Variants in GGA2 observed in about 807,000 individuals in gnomAD.
GGA2 encodes ADP-ribosylation factor-binding protein GGA2.
GGA2 carries 48 observed loss-of-function variants against 79.5 expected under a neutral mutation model. The ratio of observed to expected loss-of-function variants is 0.60; its 90% CI spans 0.48 to 0.77. GGA2 has a LOEUF of 0.77. GGA2 is among the 30% of genes least tolerant of loss of function. The pLI, the probability that GGA2 is intolerant of heterozygous loss-of-function variation, is 0.00. For missense variants in GGA2, 770 were observed against 774.0 expected (o/e 0.99, Z 0.06); for synonymous variants, 317 against 302.0 (o/e 1.05, Z -0.51).
rs192736311 is a variant in GGA2 at position 23,489,519 on chromosome 16, C to T, written c.476-810G>A. 2.2e-3 allele frequency among the ~76,000 whole-genome samples: 335 copies of T among 152,266 alleles called. 2 individuals are homozygous for T. The highest frequency in any genetic ancestry group is 7.1e-3 in the African/African-American group (293 of 41,554). ...ACTCCCAAAGTGCTGGGATCACAGG[C>T]GTGAGCCACCATGCCCAGCCTACAG... On this transcript the variant is annotated intron_variant, in intron 5 of 16. Transcript: ENST00000309859.
intron 4 of GGA2, among the ~76,000 whole-genome samples, chr16:23,492,130 C>G (rs1964796511): frequency 6.6e-6 from 1 of 152,208 alleles, no homozygotes; most frequent in Admixed American, 6.5e-5. Context: ...TGGCACAGAA[C>G]TTCAAAAATC....
Position 23,480,755 on chromosome 16 carries a change from G to A in GGA2, c.896C>T (p.Ala299Val), listed in dbSNP as rs763927624. 3.7e-6 allele frequency: 6 copies of A among 1,609,582 alleles called. No homozygotes were observed. The South Asian group carries it at 6.6e-5, about 18-fold the overall frequency. Residue 299 changes from alanine (A) to valine (V), a missense_variant, in exon 10 of 17, where the codon GCA becomes GTA. Physicochemically the swap from Ala to Val is moderately conservative, Grantham distance 64. Transcript: ENST00000309859. ...DDDALAEILQ[A>V]NDLLTQGVLL... is the part of the protein sequence containing the mutation. Reference sequence around the variant, plus strand: ...AACTCCTTGGGTGAGGAGGTCATTTGCCTGGAGAATTTCCGCTGAAGAATG... The same window carrying A: ...AACTCCTTGGGTGAGGAGGTCATTTACCTGGAGAATTTCCGCTGAAGAATG...
rs1300819109 is a variant in GGA2 at position 23,466,745 on chromosome 16, G to C, written c.*845C>G. On this transcript the variant is annotated 3_prime_UTR_variant, in exon 17 of 17. Coordinates refer to ENST00000309859, the MANE Select transcript of GGA2 (RefSeq NM_015044.4). ...GGCTGTTGGCCGATTCATCATGACT[G>C]ACATGGTGTGTCACAAAGAGCTCCA... 2 of 152,810 alleles carry C rather than the reference G, an allele frequency of 1.3e-5. No homozygotes were observed. The highest frequency in any genetic ancestry group is 2.9e-5 in the Non-Finnish European group (2 of 68,164). 9.5% of individuals were successfully genotyped at this position (152,810 alleles called of 1,614,324 possible). A position where few individuals can be genotyped will look rare whatever the true frequency, so the allele number is the denominator to read the frequency against.
At position 23,494,003 on chromosome 16, in the gene GGA2, C is replaced by A. The variant is rs1964822922; in HGVS notation, c.252+300G>T. 3 of 435,590 alleles carry A rather than the reference C, an allele frequency of 6.9e-6. No homozygotes were observed. In the South Asian group the frequency reaches 8.7e-5, roughly 13 times the overall value. The allele number at this position is 435,590 out of a possible 1,614,324, so 27.0% of individuals were successfully genotyped here. A position where few individuals can be genotyped will look rare whatever the true frequency, so the allele number is the denominator to read the frequency against. ...CTAGTGGGCCCTGTGCTAGAACTGC[C>A]CTCTCTAGAAAAGGCACATGAACTT... On this transcript the variant is annotated intron_variant, in intron 3 of 16. Coordinates refer to ENST00000309859, the MANE Select transcript of GGA2 (RefSeq NM_015044.4).
At chr16:23,510,215 C>A in intron 1 of GGA2, 106 bp downstream of exon 1, 1 of 621,092 alleles carries the variant, frequency 1.6e-6, no homozygotes, top group Admixed American at 4.6e-5. Context: ...ACCCGGCCGC[C>A]GGCCTCCCCT....
At chr16:23,485,169 C>T (rs1364483856) in intron 8 of GGA2, among the ~76,000 whole-genome samples, 1 of 152,152 alleles carries the variant, frequency 6.6e-6, no homozygotes, top group Non-Finnish European at 1.5e-5. Flanking sequence ...TTGGACGAAG[C>T]ATCCAAATAA....
intron 12 of GGA2, 36 bp downstream of exon 12, chr16:23,478,847 C>T: frequency 6.6e-7 from 1 of 1,504,614 alleles, no homozygotes; most frequent in Admixed American, 1.7e-5. Flanking sequence ...GAGACCCTCC[C>T]ATTCTCTCTC....
chr16:23,510,209 G>C, intron 1 of GGA2, 112 bp downstream of exon 1: 1 of 566,056 alleles, frequency 1.8e-6, no homozygotes, highest in East Asian at 4.0e-5. Flanking sequence ...CCCCCTACCC[G>C]GCCGCCGGCC....
At chr16:23,484,678 C>T (rs1302357745) in intron 8 of GGA2, among the ~76,000 whole-genome samples, 1 of 152,218 alleles carries the variant, frequency 6.6e-6, no homozygotes, top group Non-Finnish European at 1.5e-5. Context: ...GACAGTACTT[C>T]ACACCCTCCA....
At chr16:23,468,788 G>C (rs1247759428) in intron 16 of GGA2, 98 bp downstream of exon 16, 3 of 714,542 alleles carry the variant, frequency 4.2e-6, no homozygotes, top group Non-Finnish European at 7.6e-6. Context: ...AGAGACTTTA[G>C]AGCAAGGCCT....
At chr16:23,510,021 G>C (rs992189011) in intron 1 of GGA2, among the ~76,000 whole-genome samples, 6 of 149,660 alleles carry the variant, frequency 4.0e-5, no homozygotes, top group Non-Finnish European at 8.9e-5. Context: ...CCTGGCGCAG[G>C]GGAAAGCGCA....
At chr16:23,500,454 C>G (rs1025045136) in intron 1 of GGA2, among the ~76,000 whole-genome samples, 1 of 152,146 alleles carries the variant, frequency 6.6e-6, no homozygotes, top group Non-Finnish European at 1.5e-5. Context: ...AGCAGAGGTG[C>G]AGGCCAAGGC....
intron 11 of GGA2, 24 bp downstream of exon 11, chr16:23,479,741 C>T: frequency 6.2e-7 from 1 of 1,613,026 alleles, no homozygotes; most frequent in Non-Finnish European, 8.5e-7. Context: ...CCTGTGCCTG[C>T]TCCCCACAAG....
upstream of GGA2, among the ~76,000 whole-genome samples, chr16:23,511,932 C>T (rs187001293): frequency 6.0e-5 from 9 of 150,606 alleles, no homozygotes; most frequent in Admixed American, 2.7e-4. Context: ...CTCCAGTGAG[C>T]GGAATTTACC....
chr16:23,478,225 CAAAA>C (rs111229895), intron 13 of GGA2, 139 bp downstream of exon 13: 6 of 470,700 alleles, frequency 1.3e-5, no homozygotes, highest in South Asian at 1.1e-4. Flanking sequence ...GAAAAAAAGA[CAAAA>C]AAAAAAAAAA....
chr16:23,488,704 T>G lies in GGA2; in HGVS notation c.481A>C (p.Ile161Leu). Residue 161 changes from isoleucine (I) to leucine (L), a missense_variant, in exon 6 of 17, where the codon ATA becomes CTA. Transcript: ENST00000309859. ...AYQMLKKQGI[I>L]KQDPKLPVDK... ...ACTGGTAGTTTAGGGTCTTGTTTTA[T>G]AATTCCTAAAAATGCAATTTACAAA... 1 of 1,568,806 alleles carries G rather than the reference T, an allele frequency of 6.4e-7. No individual in the cohort carries two copies. Among genetic ancestry groups the G allele is most frequent in the South Asian group, 1.1e-5 (1 of 90,116 alleles).
Position 23,478,805 on chromosome 16 carries a change from G to A in GGA2, c.1158+78C>T, listed in dbSNP as rs116760637. ...ACAGTGCAGGAGCACCTCTCTGCTC[G>A]CCAGGCAGTGCTGCCTCACAAGGGC... On this transcript the variant is annotated intron_variant, in intron 12 of 16. Coordinates refer to ENST00000309859, the MANE Select transcript of GGA2 (RefSeq NM_015044.4). 892 of 1,018,246 alleles carry A rather than the reference G, an allele frequency of 8.8e-4. 8 individuals carry two copies. Among genetic ancestry groups the A allele is most frequent in the African/African-American group, 8.0e-3 (511 of 63,864 alleles). 63.1% of individuals were successfully genotyped at this position (1,018,246 alleles called of 1,614,324 possible). A position where few individuals can be genotyped will look rare whatever the true frequency, so the allele number is the denominator to read the frequency against.
In GGA2 at chr16:23,480,732, C is replaced by T. The variant is rs1360292836; in HGVS notation, c.919G>A (p.Val307Ile). Reference protein sequence around the residue: ...LQANDLLTQGVLLYKQVMEGR... With the variant: ...LQANDLLTQGILLYKQVMEGR... ...TCCATCACCTGTTTGTACAGCAGAA[C>T]TCCTTGGGTGAGGAGGTCATTTGCC... Residue 307 changes from valine (V) to isoleucine (I), a missense_variant, in exon 10 of 17, where the codon GTT becomes ATT. By Grantham distance (29) the Val-to-Ile change is conservative (BLOSUM62 3). Coordinates refer to ENST00000309859, the MANE Select transcript of GGA2 (RefSeq NM_015044.4). The T allele has an allele frequency of 3.1e-6, 5 of 1,613,144 alleles. No individual in the cohort carries two copies. Among genetic ancestry groups the T allele is most frequent in the Non-Finnish European group, 4.2e-6 (5 of 1,179,098 alleles).
chr16:23,465,054 G>A lies in GGA2; in HGVS notation c.*2536C>T. ...AGATACTGGAAAGCACTGGCCATGA[G>A]TGCCAGATCTCCAGCACACACATCA... On this transcript the variant is annotated 3_prime_UTR_variant, in exon 17 of 17. Coordinates refer to ENST00000309859, the MANE Select transcript of GGA2 (RefSeq NM_015044.4). 4.0e-6 allele frequency: 2 copies of A among 499,668 alleles called. No individual in the cohort carries two copies. Among genetic ancestry groups the A allele is most frequent in the South Asian group, 5.0e-5 (2 of 39,848 alleles). 31.0% of individuals were successfully genotyped at this position (499,668 alleles called of 1,614,324 possible). A position where few individuals can be genotyped will look rare whatever the true frequency, so the allele number is the denominator to read the frequency against.
Sources: allele counts gnomAD v4.1 joint callset (sites outside exome capture counted in the v4.1 genomes callset), GRCh38; gene constraint gnomAD v4.1.1; transcripts MANE v1.5; gene names NCBI Gene and HGNC (gene_info 2026-07-23, HGNC 2026-07-21).